DEPDC5: variants seen among roughly 807,000 people sequenced by gnomAD.
DEPDC5 encodes the protein DEP domain containing 5, GATOR1 subcomplex subunit.
A neutral mutation model predicts 217.3 loss-of-function variants in DEPDC5; 73 were observed. The ratio of observed to expected loss-of-function variants is 0.34; its 90% CI spans 0.28 to 0.41. The LOEUF is 0.41. Ranked by LOEUF, DEPDC5 falls within the 10% of genes least tolerant of loss-of-function variation. The pLI is 1.00. For missense variants in DEPDC5, 1,675 were observed against 2,070.1 expected (o/e 0.81, Z 3.70); for synonymous variants, 733 against 756.7 (o/e 0.97, Z 0.51).
At chr22:31,801,647 A>G (rs998167324) in intron 14 of DEPDC5, among the ~76,000 whole-genome samples, 3 of 152,210 alleles carry the variant, frequency 2.0e-5, no homozygotes, top group African/African-American at 4.8e-5. Context: ...TATGAGAGCC[A>G]TATTTCAGCT....
chr22:31,851,357 C>T (rs2092016917), intron 31 of DEPDC5, among the ~76,000 whole-genome samples: 1 of 152,148 alleles, frequency 6.6e-6, no homozygotes, highest in Admixed American at 6.5e-5. Flanking sequence ...TTCAAACTGG[C>T]ATTGTAGGAA....
intron 21 of DEPDC5, 70 bp from the exon 22 acceptor site, chr22:31,818,949 CATT>C: frequency 6.6e-7 from 1 of 1,513,234 alleles, no homozygotes; most frequent in South Asian, 1.1e-5. Context: ...CTTGGTTTAT[CATT>C]CTACCTAGCT....
chr22:31,855,738 T>C lies in DEPDC5; in HGVS notation c.3156-1707T>C, dbSNP rs1426481614. On this transcript the variant is annotated intron_variant, in intron 31 of 42. Coordinates refer to ENST00000651528, the MANE Select transcript of DEPDC5 (RefSeq NM_001242896.3). ...ATGGATGAAACCGGAATGGCTCTAA[T>C]GATATAATTTTGGTAAGGGATATGT... Among the ~76,000 whole-genome samples, 3 of 152,218 alleles carry C rather than the reference T, an allele frequency of 2.0e-5. No individual in the cohort carries two copies. In the East Asian group the frequency reaches 5.8e-4, roughly 29 times the overall value.
chr22:31,873,640 G>T (rs920714512), intron 35 of DEPDC5, among the ~76,000 whole-genome samples: 1 of 151,774 alleles, frequency 6.6e-6, no homozygotes, highest in Non-Finnish European at 1.5e-5. Flanking sequence ...TTAAAAAGTA[G>T]TTAAGCCACA....
In DEPDC5 at chr22:31,845,081, C is replaced by T; in HGVS notation, c.2865C>T (p.Ala955=). 1 of 1,614,218 alleles carries T rather than the reference C, an allele frequency of 6.2e-7. No individual in the cohort carries two copies. The highest frequency in any genetic ancestry group is 8.5e-7 in the Non-Finnish European group (1 of 1,180,034). Residue 955 remains alanine (A), a synonymous_variant, in exon 30 of 43, where the codon GCC becomes GCT. Transcript: ENST00000651528. The part of the protein sequence containing the change: ...RFLLLPACVT[A]TKRITEGEAH... Reference sequence around the variant, plus strand: ...TGCTGCTGCCAGCCTGTGTCACCGCCACCAAGCGCATCACGGAGGGGGAGG... The same window carrying T: ...TGCTGCTGCCAGCCTGTGTCACCGCTACCAAGCGCATCACGGAGGGGGAGG...
intron 40 of DEPDC5, among the ~76,000 whole-genome samples, 200 bp downstream of exon 40, chr22:31,897,853 C>CT (rs991894355): frequency 2.0e-5 from 3 of 152,160 alleles, no homozygotes; most frequent in African/African-American, 7.2e-5. Flanking sequence ...TTTCATGTCT[C>CT]TGAGTCTCGA....
chr22:31,847,980 T>C (rs150911359), intron 31 of DEPDC5, among the ~76,000 whole-genome samples: 4,389 of 152,240 alleles, frequency 0.029, 77 homozygotes, highest in African/African-American at 0.055. Context: ...CCATTCCAAA[T>C]GGGAGAAATT....
intron 4 of DEPDC5, among the ~76,000 whole-genome samples, 158 bp from the exon 5 acceptor site, chr22:31,764,817 A>G (rs1299371468): frequency 6.6e-6 from 1 of 152,158 alleles, no homozygotes; most frequent in Non-Finnish European, 1.5e-5. Flanking sequence ...AAAGCAGAGA[A>G]TTGTTTAAAT....
chr22:31,874,976 T>C (rs1441146252), intron 36 of DEPDC5, among the ~76,000 whole-genome samples: 1 of 152,212 alleles, frequency 6.6e-6, no homozygotes, highest in East Asian at 1.9e-4. Context: ...TTGCTGGATT[T>C]AATTACGCTG....
chr22:31,822,712 C>G lies in DEPDC5; in HGVS notation c.2026C>G (p.Pro676Ala), dbSNP rs199603004. ...AAGRHSNSRQ[P>A]GDGMSFLNFS... ...CTGCAGGCACAGCAATTCCCGCCAG[C>G]CTGGTGACGGCATGTCCTTCTTGAA... The change falls in exon 24 of 43, where the codon CCT becomes GCT. Residue 676 changes from proline to alanine, a missense_variant. Pro to Ala is a conservative substitution (Grantham distance 27, BLOSUM62 -1). This residue lies in a region of DEPDC5 where 136 missense variants were observed against 132.2 expected (regional missense o/e 1.03). Transcript: ENST00000651528. 8 of 1,613,996 alleles carry G rather than the reference C, an allele frequency of 5.0e-6. No homozygotes were observed. The African/African-American group carries it at 1.1e-4, about 22-fold the overall frequency.
chr22:31,816,295 C>G (rs2089110602), intron 21 of DEPDC5: 1 of 148,588 alleles, frequency 6.7e-6, no homozygotes, highest in Non-Finnish European at 1.5e-5. Flanking sequence ...GGAGACTCCA[C>G]CTCAAAAAAA....
intron 19 of DEPDC5, among the ~76,000 whole-genome samples, chr22:31,809,998 A>G (rs1197712498): frequency 6.6e-6 from 1 of 152,168 alleles, no homozygotes; most frequent in Non-Finnish European, 1.5e-5. Context: ...AAAGAGCATC[A>G]GCTAACCCAT....
chr22:31,766,508 T>C (rs2082830986), intron 5 of DEPDC5, 77 bp from the exon 6 acceptor site: 5 of 1,426,536 alleles, frequency 3.5e-6, no homozygotes, highest in Non-Finnish European at 4.9e-6. Context: ...TTTTTTTCCA[T>C]GGTAAGTGGG....
chr22:31,871,931 C>G lies in DEPDC5; in HGVS notation c.3485+1187C>G, dbSNP rs531692910. ...TCACACAGATAGGACAGCCTCTTGC[C>G]CAGACACGTGGTCTCAGCAGAGACT... is the stretch of plus-strand genomic sequence containing the variant. On this transcript the variant is annotated intron_variant, in intron 34 of 42. Coordinates refer to ENST00000651528, the MANE Select transcript of DEPDC5 (RefSeq NM_001242896.3). 2.0e-5 allele frequency among the ~76,000 whole-genome samples: 3 copies of G among 152,330 alleles called. No individual in the cohort carries two copies. In the East Asian group the frequency reaches 5.8e-4, roughly 29 times the overall value.
At chr22:31,770,528 C>T (rs1241364799) in intron 7 of DEPDC5, among the ~76,000 whole-genome samples, 4 of 151,236 alleles carry the variant, frequency 2.6e-5, no homozygotes, top group Non-Finnish European at 5.9e-5. Context: ...TTACAGTTAC[C>T]CACCACCACA....
intron 18 of DEPDC5, among the ~76,000 whole-genome samples, chr22:31,809,265 G>A (rs1349206973): frequency 6.6e-6 from 1 of 152,110 alleles, no homozygotes; most frequent in Non-Finnish European, 1.5e-5. Flanking sequence ...GGGTCAGGTG[G>A]GACAAACACA....
In DEPDC5 at chr22:31,774,574, C is replaced by T. The variant is rs1037888931; in HGVS notation, c.414-3525C>T. ...AAGCAGAGCTGGCTGGGTGCGGTGG[C>T]TCATGCCTGTAATCCCAGCACTTTG... On this transcript the variant is annotated intron_variant, in intron 7 of 42. Coordinates refer to ENST00000651528, the MANE Select transcript of DEPDC5 (RefSeq NM_001242896.3). 2.1e-5 allele frequency among the ~76,000 whole-genome samples: 3 copies of T among 145,706 alleles called. No individual in the cohort carries two copies. The Admixed American group carries it at 2.1e-4, about 10-fold the overall frequency.
chr22:31,801,328 T>C (rs1405020165), intron 14 of DEPDC5, among the ~76,000 whole-genome samples: 2 of 152,078 alleles, frequency 1.3e-5, no homozygotes, highest in East Asian at 1.9e-4. Flanking sequence ...AATAAAATTG[T>C]AAAAGTAACC....
intron 41 of DEPDC5, 57 bp from the exon 42 acceptor site, chr22:31,905,927 C>T (rs1403894018): frequency 1.4e-6 from 2 of 1,478,230 alleles, no homozygotes; most frequent in Non-Finnish European, 1.9e-6. Flanking sequence ...ACATTCTCTT[C>T]CCTTGCCCCT....
Sources: gnomAD v4.1 joint callset for allele counts (sites outside exome capture counted in the v4.1 genomes callset) on GRCh38, gnomAD v4.1.1 for gene constraint, gnomAD v4.1.1 regional missense constraint, MANE v1.5 for transcripts, NCBI Gene and HGNC (gene_info 2026-07-23, HGNC 2026-07-21) for gene names.